The following WASHC2C variants were observed in gnomAD, a reference collection of about 807,000 sequenced individuals.
WASHC2C encodes the protein WASH complex subunit 2C, also known as Vaccinia Penetration Factor.
In WASHC2C, 73 loss-of-function variants were observed where a neutral mutation model predicts 142.2. The ratio of observed to expected loss-of-function variants is 0.51; its 90% CI spans 0.43 to 0.62. WASHC2C has a LOEUF of 0.62. Ranked by LOEUF, WASHC2C falls within the 20% of genes least tolerant of loss-of-function variation. WASHC2C has a pLI of 0.00. For synonymous variants in WASHC2C, 337 were observed against 565.5 expected (o/e 0.60, Z 5.73); for missense variants, 969 against 1,531.7 (o/e 0.63, Z 6.13).
At chr10:45,760,881 G>T (rs1469070969) in intron 17 of WASHC2C, among the ~76,000 whole-genome samples, 1 of 150,666 alleles carries the variant, frequency 6.6e-6, no homozygotes, top group Non-Finnish European at 1.5e-5. Context: ...GCAGGACTTT[G>T]TATTCCCTAT....
intron 21 of WASHC2C, among the ~76,000 whole-genome samples, chr10:45,775,249 G>A (rs1435765692): frequency 6.8e-6 from 1 of 148,046 alleles, no homozygotes; most frequent in African/African-American, 2.5e-5. Flanking sequence ...CACTTTGGGA[G>A]GCTGAGGTGG....
At position 45,758,529 on chromosome 10, in the gene WASHC2C, C is replaced by A. The variant is rs1441382438; in HGVS notation, c.1549-786C>A. On this transcript the variant is annotated intron_variant, in intron 16 of 30. Coordinates refer to ENST00000623400, the MANE Select transcript of WASHC2C (RefSeq NM_001330074.2). ...AAAGTTCTTTCTCTCCCCCTCCTTC[C>A]CCGATTTTTAGTATTGCTTTGGGAT... Among the ~76,000 whole-genome samples the A allele has an allele frequency of 2.6e-5, 4 of 151,970 alleles. No homozygotes were observed. In the South Asian group the frequency reaches 6.2e-4, roughly 24 times the overall value.
chr10:45,769,582 A>G lies in WASHC2C; in HGVS notation c.2003A>G (p.Asp668Gly). The change falls in exon 20 of 31, where the codon GAC becomes GGC. Residue 668 changes from aspartate to glycine, a missense_variant. Asp to Gly is a moderately conservative substitution (Grantham distance 94). Transcript: ENST00000623400. ...AVKKTSLFEE[D>G]KEDDLFAIAK... is the part of the protein sequence containing the mutation. ...AAAAAGACCAGTCTCTTTGAGGAAG[A>G]CAAAGAAGATGATCTTTTTGCCATT... 6.2e-7 allele frequency: 1 copy of G among 1,611,982 alleles called. No individual in the cohort carries two copies. The highest frequency in any genetic ancestry group is 1.1e-5 in the South Asian group (1 of 90,980).
intron 25 of WASHC2C, among the ~76,000 whole-genome samples, chr10:45,785,261 G>A (rs577421923): frequency 4.7e-4 from 72 of 152,236 alleles, no homozygotes; most frequent in African/African-American, 1.7e-3. Flanking sequence ...GCCTTTCTAT[G>A]TCATTTTCTC....
At chr10:45,728,398 G>A (rs1273818021) in intron 2 of WASHC2C, among the ~76,000 whole-genome samples, 1 of 152,100 alleles carries the variant, frequency 6.6e-6, no homozygotes, top group Non-Finnish European at 1.5e-5. Flanking sequence ...CTCTTTTGAT[G>A]AGCTTTCTTA....
intron 3 of WASHC2C, among the ~76,000 whole-genome samples, chr10:45,737,768 A>ATT (rs782072881): frequency 1.3e-4 from 18 of 135,744 alleles, no homozygotes; most frequent in African/African-American, 2.4e-4. Flanking sequence ...TTGTATTTAA[A>ATT]TTTTTTTTTT....
chr10:45,738,403 G>A (rs2051550641), intron 4 of WASHC2C, among the ~76,000 whole-genome samples: 1 of 150,180 alleles, frequency 6.7e-6, no homozygotes, highest in Admixed American at 6.7e-5. Context: ...TCACACCAGA[G>A]CCCAAAACAT....
intron 14 of WASHC2C, 57 bp downstream of exon 14, chr10:45,754,602 C>G (rs1554876376): frequency 1.0e-5 from 15 of 1,439,210 alleles, no homozygotes; most frequent in Admixed American, 4.3e-5. Flanking sequence ...TTTTGCATTT[C>G]AAAATTATCA....
intron 20 of WASHC2C, among the ~76,000 whole-genome samples, chr10:45,770,007 G>A (rs1419448672): frequency 1.3e-5 from 2 of 151,542 alleles, no homozygotes; most frequent in East Asian, 1.9e-4. Flanking sequence ...TTGGGAGGCC[G>A]AGGTGGGCAG....
At chr10:45,742,965 C>T (rs1297729499) in intron 5 of WASHC2C, among the ~76,000 whole-genome samples, 3 of 148,762 alleles carry the variant, frequency 2.0e-5, no homozygotes, top group East Asian at 2.0e-4. Flanking sequence ...AACACTGTTT[C>T]CTGGGTTCAA....
intron 23 of WASHC2C, among the ~76,000 whole-genome samples, chr10:45,782,395 A>G (rs1554888260): frequency 6.7e-6 from 1 of 149,502 alleles, no homozygotes; most frequent in African/African-American, 2.5e-5. Flanking sequence ...AGCCAAAACC[A>G]CAGTGACATA....
intron 21 of WASHC2C, among the ~76,000 whole-genome samples, chr10:45,775,490 A>AAG (rs1169785125): frequency 2.1e-5 from 3 of 144,498 alleles, no homozygotes; most frequent in Admixed American, 7.0e-5. Context: ...CCATCTCAAA[A>AAG]AAAAAAAAAA....
In WASHC2C at chr10:45,771,444, A is replaced by G. The variant is rs75046094; in HGVS notation, c.2040-1812A>G. On this transcript the variant is annotated intron_variant, in intron 20 of 30. Transcript: ENST00000623400. ...AAGAAATAGGGAGTAGAGGGCAGAC[A>G]TGGCTCCACCTTCATACCCCAACAC... 1,261 of 984,702 alleles carry G rather than the reference A, an allele frequency of 1.3e-3. No homozygotes were observed. The African/African-American group carries it at 0.021, about 16-fold the overall frequency. The allele number at this position is 984,702 out of a possible 1,614,324, so 61.0% of individuals were successfully genotyped here.
At chr10:45,750,990 CT>C (rs2053518030) in intron 10 of WASHC2C, among the ~76,000 whole-genome samples, 152 bp downstream of exon 10, 2 of 152,004 alleles carry the variant, frequency 1.3e-5, no homozygotes, top group Admixed American at 6.6e-5. Flanking sequence ...GCGCTTATTC[CT>C]TTTTTGGTTA....
At chr10:45,784,293 C>CATATATATATATAT (rs1286811903) in intron 23 of WASHC2C, among the ~76,000 whole-genome samples, 16 of 63,642 alleles carry the variant, frequency 2.5e-4, no homozygotes, top group East Asian at 1.8e-3. Context: ...TATATATACA[C>CATATATATATATAT]ATATATATAT....
Position 45,754,550 on chromosome 10 carries a change from C to T in WASHC2C, c.1240+5C>T. The T allele has an allele frequency of 6.3e-7, 1 of 1,588,836 alleles. No individual in the cohort carries two copies. Among genetic ancestry groups the T allele is most frequent in the Non-Finnish European group, 8.6e-7 (1 of 1,166,214 alleles). ...GAGCTGTTTCTGTATTTTTAGGTAA[C>T]ATAACTTAGGTTTGTTTTCTAAAAA... On this transcript the variant is annotated splice_donor_5th_base_variant and intron_variant, in intron 14 of 30. Transcript: ENST00000623400.
chr10:45,741,401 C>A lies in WASHC2C; in HGVS notation c.528+1155C>A, dbSNP rs192825429. 7.0e-4 allele frequency among the ~76,000 whole-genome samples: 106 copies of A among 152,172 alleles called. No individual in the cohort carries two copies. In the Middle Eastern group the frequency reaches 0.01, roughly 15 times the overall value. ...TGCCTTTAAAAGTCAGCAGTGGACT[C>A]TGGGAAATGGATTGCCTGGACCACA... On this transcript the variant is annotated intron_variant, in intron 5 of 30. Coordinates refer to ENST00000623400, the MANE Select transcript of WASHC2C (RefSeq NM_001330074.2).
intron 16 of WASHC2C, among the ~76,000 whole-genome samples, chr10:45,757,496 G>A (rs2054452263): frequency 1.3e-5 from 2 of 151,016 alleles, no homozygotes; most frequent in South Asian, 4.2e-4. Flanking sequence ...TTCCATATAA[G>A]CACAATGCCA....
chr10:45,758,610 T>C (rs1554878513), intron 16 of WASHC2C, among the ~76,000 whole-genome samples: 1 of 149,928 alleles, frequency 6.7e-6, no homozygotes, highest in African/African-American at 2.4e-5. Context: ...CTTCTTCTTT[T>C]TTTTTTTTTT....
Sources: gnomAD v4.1 joint callset for allele counts (sites outside exome capture counted in the v4.1 genomes callset) on GRCh38, gnomAD v4.1.1 for gene constraint, MANE v1.5 for transcripts, NCBI Gene and HGNC (gene_info 2026-07-23, HGNC 2026-07-21) for gene names.